SETD5: variants seen among roughly 807,000 people sequenced by gnomAD.
SETD5 encodes the protein histone-lysine N-methyltransferase SETD5.
SETD5 carries 44 observed loss-of-function variants against 153.3 expected under a neutral mutation model. The observed-to-expected ratio is 0.29, with a 90% confidence interval of 0.23 to 0.37. The LOEUF is 0.37. SETD5 is among the 10% of genes least tolerant of loss of function. The pLI, the probability that SETD5 is intolerant of heterozygous loss-of-function variation, is 1.00. For missense variants in SETD5, 1,544 were observed against 1,768.0 expected, an observed-to-expected ratio of 0.87 and a Z score of 2.27; for synonymous variants, 716 against 645.2, an observed-to-expected ratio of 1.11 and a Z score of -1.66.
At chr3:9,454,330 A>G (rs1197715731) in intron 17 of SETD5, among the ~76,000 whole-genome samples, 2 of 152,162 alleles carry the variant, frequency 1.3e-5, no homozygotes, top group African/African-American at 4.8e-5. Context: ...ACAATTTTTA[A>G]AAGAACAGCC....
intron 1 of SETD5, among the ~76,000 whole-genome samples, chr3:9,418,803 CA>C (rs111449253): frequency 0.13 from 17,742 of 136,004 alleles, 1,366 homozygotes; most frequent in Non-Finnish European, 0.19. Context: ...AACTCCGTCT[CA>C]AAAAAAAAAA....
At chr3:9,454,742 G>A (rs2043030639) in intron 17 of SETD5, among the ~76,000 whole-genome samples, 1 of 150,660 alleles carries the variant, frequency 6.6e-6, no homozygotes, top group African/African-American at 2.4e-5. Flanking sequence ...GGTTTTGACA[G>A]TGACTTGCAA....
chr3:9,410,932 A>C (rs751336197), intron 1 of SETD5, among the ~76,000 whole-genome samples: 7 of 148,382 alleles, frequency 4.7e-5, no homozygotes, highest in African/African-American at 1.8e-4. Flanking sequence ...TCTGTTTCGC[A>C]GGCTGGAGTG....
chr3:9,433,991 T>G (rs747037436), intron 4 of SETD5, 41 bp downstream of exon 4: 2 of 1,613,280 alleles, frequency 1.2e-6, no homozygotes, highest in South Asian at 2.2e-5. Context: ...GTGATCTTCC[T>G]GGAGTGTAAT....
chr3:9,404,529 A>C (rs1244568883), intron 1 of SETD5, among the ~76,000 whole-genome samples: 1 of 152,202 alleles, frequency 6.6e-6, no homozygotes, highest in Non-Finnish European at 1.5e-5. Context: ...TAGGGTAGTC[A>C]TTTCTTTCTT....
intron 3 of SETD5, among the ~76,000 whole-genome samples, chr3:9,433,008 A>C (rs757361923): frequency 2.0e-5 from 3 of 152,210 alleles, no homozygotes; most frequent in African/African-American, 4.8e-5. Context: ...GAAGTCATGT[A>C]ATCTCACCAC....
chr3:9,442,507 C>A (rs2041421191), intron 10 of SETD5, among the ~76,000 whole-genome samples: 1 of 152,112 alleles, frequency 6.6e-6, no homozygotes, highest in South Asian at 2.1e-4. Context: ...ATAAGAAAAT[C>A]AAGTGTAGTT....
intron 17 of SETD5, among the ~76,000 whole-genome samples, chr3:9,460,012 CTAAG>C (rs1449457892): frequency 3.3e-5 from 5 of 151,732 alleles, no homozygotes; most frequent in Admixed American, 6.6e-5. Context: ...TTAATATAGT[CTAAG>C]TAATTGTTAG....
chr3:9,431,738 T>C, intron 3 of SETD5: 2 of 985,572 alleles, frequency 2.0e-6, no homozygotes, highest in Non-Finnish European at 2.4e-6. Flanking sequence ...TGTTCATATT[T>C]ACCCGTTTGG....
chr3:9,460,968 T>C (rs2043888838), intron 17 of SETD5, among the ~76,000 whole-genome samples: 1 of 152,146 alleles, frequency 6.6e-6, no homozygotes, highest in African/African-American at 2.4e-5. Flanking sequence ...GTGATCCGTT[T>C]GACTAAATAG....
In SETD5 at chr3:9,447,260, A is replaced by C. The variant is rs778239502; in HGVS notation, c.1735A>C (p.Thr579Pro). The stretch of plus-strand genomic sequence containing the variant: ...TGTTTCAAATGTTACCATCCCAAGC[A>C]CCCCACAGAGTGTTGGTGTGAATAC... The part of the protein sequence containing the change: ...NSVSNVTIPS[T>P]PQSVGVNTRR... Residue 579 changes from threonine to proline, a missense_variant, in exon 14 of 23, where the codon ACC becomes CCC. Physicochemically the swap from Thr to Pro is conservative, Grantham distance 38. Around this residue, in one of 9 missense-constraint regions of SETD5, gnomAD observed 782 missense variants for 787.2 expected, o/e 0.99. Transcript: ENST00000402198. The C allele has an allele frequency of 9.0e-5, 146 of 1,613,902 alleles. No homozygotes were observed. Among genetic ancestry groups the C allele is most frequent in the African/African-American group, 1.2e-4 (9 of 74,926 alleles).
chr3:9,456,343 A>G (rs2043237364), intron 17 of SETD5, among the ~76,000 whole-genome samples: 1 of 152,030 alleles, frequency 6.6e-6, no homozygotes, highest in Non-Finnish European at 1.5e-5. Context: ...GGGCCTGGTC[A>G]CGTACCTGTA....
chr3:9,419,606 T>C lies in SETD5; in HGVS notation c.-176-4861T>C, dbSNP rs923519183. Among the ~76,000 whole-genome samples the C allele has an allele frequency of 3.9e-5, 6 of 152,162 alleles. No individual in the cohort carries two copies. In the East Asian group the frequency reaches 1.2e-3, roughly 29 times the overall value. ...TAGTTATAACTCAGATGTTGCTATCTAAGGTAAGTAGTAATTACTATAATA... is the reference window on the plus strand; with the variant it reads ...TAGTTATAACTCAGATGTTGCTATCCAAGGTAAGTAGTAATTACTATAATA... On this transcript the variant is annotated intron_variant, in intron 1 of 22. Transcript: ENST00000402198.
intron 14 of SETD5, 134 bp from the exon 15 acceptor site, chr3:9,447,552 T>A (rs900661972): frequency 3.5e-6 from 4 of 1,146,042 alleles, no homozygotes; most frequent in East Asian, 2.5e-5. Context: ...ATTTAAAAAT[T>A]AGATTTTAAA....
Position 9,428,884 on chromosome 3 carries a change from G to T in SETD5, c.-55G>T. The T allele has an allele frequency of 7.3e-7, 1 of 1,365,998 alleles. No homozygotes were observed. Among genetic ancestry groups the T allele is most frequent in the Non-Finnish European group, 1.0e-6 (1 of 966,334 alleles). 84.6% of individuals were successfully genotyped at this position (1,365,998 alleles called of 1,614,324 possible). ...GCAGCTCACCCCCACTCTCAGAGTG[G>T]TCAGTCTCCATTAATTGGACCCCGT... On this transcript the variant is annotated 5_prime_UTR_variant, in exon 3 of 23. Coordinates refer to ENST00000402198, the MANE Select transcript of SETD5 (RefSeq NM_001080517.3).
chr3:9,469,195 A>C (rs2045005998), intron 18 of SETD5, among the ~76,000 whole-genome samples: 1 of 152,204 alleles, frequency 6.6e-6, no homozygotes. Flanking sequence ...ACCATTCTGC[A>C]ATGGTTAGGA....
At chr3:9,410,212 C>G (rs2036346199) in intron 1 of SETD5, among the ~76,000 whole-genome samples, 1 of 152,140 alleles carries the variant, frequency 6.6e-6, no homozygotes, top group Non-Finnish European at 1.5e-5. Context: ...GCAGTTGTAA[C>G]ACAGTGGTAA....
rs760564320 is a variant in SETD5 at position 9,447,075 on chromosome 3, C to T, written c.1550C>T (p.Ala517Val). Residue 517 changes from alanine (A) to valine (V), a missense_variant, in exon 14 of 23, where the codon GCC (alanine) becomes GTC (valine). Around this residue, in one of 9 missense-constraint regions of SETD5, gnomAD observed 782 missense variants for 787.2 expected, o/e 0.99. Transcript: ENST00000402198. Reference protein sequence around the residue: ...RRTREDRKVEAIMHAFENLEK... With the variant: ...RRTREDRKVEVIMHAFENLEK... ...ACCAGGGAAGATAGAAAGGTAGAAGCCATCATGCATGCTTTTGAAAACTTA... is the reference window on the plus strand; with the variant it reads ...ACCAGGGAAGATAGAAAGGTAGAAGTCATCATGCATGCTTTTGAAAACTTA... The T allele has an allele frequency of 1.1e-5, 17 of 1,613,096 alleles. No individual in the cohort carries two copies. The South Asian group carries it at 1.9e-4, about 18-fold the overall frequency.
chr3:9,434,622 C>G lies in SETD5; in HGVS notation c.329+137C>G. On this transcript the variant is annotated intron_variant, in intron 5 of 22. Transcript: ENST00000402198. The surrounding 1 kb of genome is among the most constrained non-coding windows in gnomAD (Gnocchi z 5.6). ...CTTAGTGCTCCTTGGCTCGAATTCT[C>G]TGCACTAGGTGAGAATTGCTGACAA... The G allele has an allele frequency of 6.7e-7, 1 of 1,488,070 alleles. No individual in the cohort carries two copies. The highest frequency in any genetic ancestry group is 8.9e-7 in the Non-Finnish European group (1 of 1,118,928). 92.2% of individuals were successfully genotyped at this position (1,488,070 alleles called of 1,614,324 possible).
Sources: allele counts gnomAD v4.1 joint callset (sites outside exome capture counted in the v4.1 genomes callset), GRCh38; gene constraint gnomAD v4.1.1; regional missense constraint gnomAD v4.1.1; non-coding constraint Gnocchi (gnomAD v3.1); transcripts MANE v1.5; gene names NCBI Gene and HGNC (gene_info 2026-07-23, HGNC 2026-07-21).